The following GLCE variants were observed in gnomAD, a reference collection of about 807,000 sequenced individuals.
GLCE encodes the protein D-glucuronyl C5-epimerase.
A neutral mutation model predicts 47.9 loss-of-function variants in GLCE; 19 were observed. That is an observed-to-expected ratio of 0.40 (90% CI 0.28 to 0.58). GLCE has a LOEUF of 0.58. Ranked by LOEUF, GLCE falls within the 20% of genes least tolerant of loss-of-function variation. GLCE has a pLI of 0.48. For synonymous variants in GLCE, 245 were observed against 263.4 expected (o/e 0.93, Z 0.68); for missense variants, 556 against 743.3 (o/e 0.75, Z 2.93).
intron 2 of GLCE, 118 bp from the exon 3 acceptor site, chr15:69,255,676 C>G: frequency 1.7e-6 from 1 of 574,922 alleles, no homozygotes; most frequent in South Asian, 3.2e-5. Context: ...TAAATCTGAT[C>G]CAAAATTGTC....
chr15:69,231,437 C>A (rs995378259), intron 2 of GLCE, among the ~76,000 whole-genome samples: 15 of 152,148 alleles, frequency 9.9e-5, no homozygotes, highest in Non-Finnish European at 2.1e-4. Flanking sequence ...GCGCCCGCCA[C>A]CATGCCCGGC....
chr15:69,226,978 C>CA (rs2052458154), intron 2 of GLCE, among the ~76,000 whole-genome samples: 1 of 152,000 alleles, frequency 6.6e-6, no homozygotes, highest in Admixed American at 6.6e-5. Context: ...CTCCTGACCT[C>CA]AGATGATCCA....
At chr15:69,213,475 A>G (rs1297908195) in intron 2 of GLCE, among the ~76,000 whole-genome samples, 3 of 152,120 alleles carry the variant, frequency 2.0e-5, no homozygotes, top group Non-Finnish European at 2.9e-5. Flanking sequence ...ACTAGATTGA[A>G]GTTACAGATT....
At chr15:69,209,604 T>A (rs751473682) in intron 1 of GLCE, among the ~76,000 whole-genome samples, 2 of 152,138 alleles carry the variant, frequency 1.3e-5, no homozygotes, top group Non-Finnish European at 2.9e-5. Context: ...GGGTCAGATG[T>A]ATGCATGTGC....
intron 1 of GLCE, among the ~76,000 whole-genome samples, chr15:69,165,592 G>C (rs1276345351): frequency 1.5e-5 from 2 of 134,094 alleles, no homozygotes; most frequent in African/African-American, 5.7e-5. Context: ...TAAGTCTTCT[G>C]GTCTTCCCTC....
At chr15:69,223,477 T>C (rs1478581448) in intron 2 of GLCE, among the ~76,000 whole-genome samples, 1 of 152,140 alleles carries the variant, frequency 6.6e-6, no homozygotes, top group Non-Finnish European at 1.5e-5. Flanking sequence ...ATATGATAAG[T>C]CTCTTTCTTA....
chr15:69,239,058 C>T (rs1018619114), intron 2 of GLCE, among the ~76,000 whole-genome samples: 11 of 152,142 alleles, frequency 7.2e-5, no homozygotes, highest in Non-Finnish European at 1.5e-5. Context: ...GGTTTCCTCC[C>T]AGGGTCTGTT....
chr15:69,231,893 A>T (rs74452667), intron 2 of GLCE, among the ~76,000 whole-genome samples: 1 of 151,972 alleles, frequency 6.6e-6, no homozygotes. Context: ...CTTGGGTTCA[A>T]GCAATTCTCC....
At chr15:69,195,794 A>G (rs1400430075) in intron 1 of GLCE, among the ~76,000 whole-genome samples, 2 of 152,158 alleles carry the variant, frequency 1.3e-5, no homozygotes, top group African/African-American at 2.4e-5. Context: ...TTACTCCCCT[A>G]TATTACATTA....
chr15:69,181,180 T>C (rs1227438294), intron 1 of GLCE, among the ~76,000 whole-genome samples: 6 of 152,180 alleles, frequency 3.9e-5, no homozygotes, highest in Non-Finnish European at 7.3e-5. Context: ...GGAGAGAAGT[T>C]GGATCTTGGA....
intron 3 of GLCE, among the ~76,000 whole-genome samples, chr15:69,260,251 GGTTTTTTT>G (rs1237842683): frequency 3.4e-4 from 42 of 122,668 alleles, no homozygotes; most frequent in Non-Finnish European, 8.2e-5. Context: ...AGTCACAACT[GGTTTTTTT>G]TTTTTTTTTT....
At chr15:69,197,123 A>G in intron 1 of GLCE, 1 of 364,132 alleles carries the variant, frequency 2.7e-6, no homozygotes. Flanking sequence ...AGCATTGATC[A>G]ACATAAAGGG....
At chr15:69,216,434 T>C (rs1038308018) in intron 2 of GLCE, among the ~76,000 whole-genome samples, 16 of 152,122 alleles carry the variant, frequency 1.1e-4, no homozygotes, top group Non-Finnish European at 2.4e-4. Flanking sequence ...CTACTTTATA[T>C]AAACATTTAA....
intron 2 of GLCE, among the ~76,000 whole-genome samples, chr15:69,235,566 T>A (rs566083853): frequency 6.6e-6 from 1 of 152,254 alleles, no homozygotes; most frequent in South Asian, 2.1e-4. Context: ...GATATCAGCT[T>A]AACAGATGAG....
At chr15:69,236,449 C>A (rs188989732) in intron 2 of GLCE, among the ~76,000 whole-genome samples, 1 of 152,124 alleles carries the variant, frequency 6.6e-6, no homozygotes, top group East Asian at 1.9e-4. Flanking sequence ...AAAAAATTAG[C>A]ATGTAGTAGT....
At chr15:69,257,086 T>G (rs1001440969) in intron 3 of GLCE, among the ~76,000 whole-genome samples, 5 of 152,204 alleles carry the variant, frequency 3.3e-5, no homozygotes, top group Non-Finnish European at 7.3e-5. Flanking sequence ...TTTTAAGATC[T>G]TAATATTTTA....
intron 1 of GLCE, chr15:69,197,374 G>T: frequency 4.7e-6 from 1 of 211,002 alleles, no homozygotes; most frequent in Non-Finnish European, 9.9e-6. Flanking sequence ...TTACACTACA[G>T]GAATAAATAA....
chr15:69,191,802 G>A (rs993640907), intron 1 of GLCE, among the ~76,000 whole-genome samples: 1 of 152,100 alleles, frequency 6.6e-6, no homozygotes, highest in Non-Finnish European at 1.5e-5. Flanking sequence ...CTTACAAGTA[G>A]GCCTTTCTAA....
intron 2 of GLCE, among the ~76,000 whole-genome samples, chr15:69,234,705 G>A (rs1329589722): frequency 6.6e-6 from 1 of 152,120 alleles, no homozygotes; most frequent in African/African-American, 2.4e-5. Context: ...ATGAAGTAAG[G>A]TCTTAAGCAG....
Sources: allele counts gnomAD v4.1 joint callset (sites outside exome capture counted in the v4.1 genomes callset), GRCh38; gene constraint gnomAD v4.1.1; transcripts MANE v1.5; gene names NCBI Gene and HGNC (gene_info 2026-07-23, HGNC 2026-07-21).